The following NGDN variants were observed in gnomAD, a reference collection of about 807,000 sequenced individuals.
The protein encoded by NGDN is neuroguidin.
Under a neutral mutation model 45.2 loss-of-function variants are expected in NGDN, and 41 were observed. The observed-to-expected ratio is 0.91, with a 90% CI of 0.71 to 1.18. NGDN has a LOEUF of 1.18. Among genes scored for constraint, NGDN ranks in the 50% most tolerant of loss-of-function variants. The pLI, the probability that NGDN is intolerant of heterozygous loss-of-function variation, is 0.00. For synonymous variants in NGDN, 137 were observed against 130.9 expected, an observed-to-expected ratio of 1.05 and a Z score of -0.32; for missense variants, 402 against 399.9, an observed-to-expected ratio of 1.01 and a Z score of -0.05.
intron 4 of NGDN, 60 bp from the exon 5 acceptor site, chr14:23,475,498 C>T: frequency 6.5e-7 from 1 of 1,532,170 alleles, no homozygotes; most frequent in Non-Finnish European, 9.0e-7. Context: ...AATATAGGGA[C>T]TCTGGTGTGT....
intron 1 of NGDN, 115 bp downstream of exon 1, chr14:23,469,842 G>A: frequency 7.0e-7 from 1 of 1,422,998 alleles, no homozygotes; most frequent in Non-Finnish European, 9.8e-7. Context: ...GTTGCTTCAG[G>A]GAGGCGGCCT....
At chr14:23,474,543 CTA>C (rs1241583387) in intron 3 of NGDN, among the ~76,000 whole-genome samples, 2 of 146,222 alleles carry the variant, frequency 1.4e-5, no homozygotes, top group East Asian at 4.0e-4. Context: ...AGACATTTTT[CTA>C]TGTGTATAAA....
rs150519607 is a variant in NGDN, at chr14:23,469,727, G to C, written c.12G>C (p.Leu4=). 5 of 1,614,058 alleles carry C rather than the reference G, an allele frequency of 3.1e-6. No individual in the cohort carries two copies. The Admixed American group carries it at 8.3e-5, about 27-fold the overall frequency. ...TGGGCTTTGCGAAGATGGCGGCGCTGGTGAGTTTGGTGTGGTTTCTTCCTC... is the reference window on the plus strand; with the variant it reads ...TGGGCTTTGCGAAGATGGCGGCGCTCGTGAGTTTGGTGTGGTTTCTTCCTC... MAA[L]GVLESDLPSA... Residue 4 remains leucine, a splice_region_variant and synonymous_variant, in exon 1 of 11, where the codon CTG becomes CTC. Coordinates refer to ENST00000408901, the MANE Select transcript of NGDN (RefSeq NM_001042635.2).
intron 2 of NGDN, among the ~76,000 whole-genome samples, chr14:23,470,436 G>A (rs1242662014): frequency 6.6e-6 from 1 of 152,188 alleles, no homozygotes; most frequent in Non-Finnish European, 1.5e-5. Context: ...TGGAGGTTAT[G>A]GCCTGATAAA....
At chr14:23,470,704 T>G (rs1893755444) in intron 2 of NGDN, among the ~76,000 whole-genome samples, 1 of 138,886 alleles carries the variant, frequency 7.2e-6, no homozygotes, top group Admixed American at 7.6e-5. Flanking sequence ...GGTCTCTTCT[T>G]TAAGAAGTGG....
intron 2 of NGDN, 73 bp downstream of exon 2, chr14:23,470,174 T>G: frequency 7.5e-7 from 1 of 1,333,808 alleles, no homozygotes; most frequent in Non-Finnish European, 1.1e-6. Context: ...CTCAAAACTT[T>G]GGTGATTGAG....
Position 23,476,399 on chromosome 14 carries a change from C to T in NGDN, c.705C>T (p.Asp235=), listed in dbSNP as rs148611934. The change falls in exon 8 of 11, where the codon GAC becomes GAT. Residue 235 remains aspartate, a synonymous_variant. Coordinates refer to ENST00000408901, the MANE Select transcript of NGDN (RefSeq NM_001042635.2). ...ATGTTACCCGCCAGAGTCAGGAGGA[C>T]CAACACAGGTCTGAGCCCTTGCATT... ...HPHVTRQSQE[D]QHRINYEESM... 297 of 1,611,106 alleles carry T rather than the reference C, an allele frequency of 1.8e-4. No individual in the cohort carries two copies. Among genetic ancestry groups the T allele is most frequent in the Non-Finnish European group, 2.4e-4 (282 of 1,179,588 alleles).
In NGDN at chr14:23,475,166, C is replaced by T. The variant is rs753368438; in HGVS notation, c.145-5C>T. 1.9e-6 allele frequency: 3 copies of T among 1,609,840 alleles called. No homozygotes were observed. In the Admixed American group the frequency reaches 5.1e-5, roughly 27 times the overall value. On this transcript the variant is annotated splice_polypyrimidine_tract_variant and splice_region_variant and intron_variant, in intron 3 of 10. Transcript: ENST00000408901. ...CTGTTTTTCTTTCTGTTTTGTTCAA[C>T]TCAGGGTCTCAGCTTCTTGGAAGTG... is the stretch of plus-strand genomic sequence containing the variant.
At chr14:23,474,212 A>G (rs1251222932) in intron 3 of NGDN, among the ~76,000 whole-genome samples, 1 of 152,178 alleles carries the variant, frequency 6.6e-6, no homozygotes, top group Non-Finnish European at 1.5e-5. Flanking sequence ...GCTTAAAGAC[A>G]TCCAGGGATG....
chr14:23,474,088 C>G (rs1402112241), intron 3 of NGDN, among the ~76,000 whole-genome samples: 1 of 150,008 alleles, frequency 6.7e-6, no homozygotes, highest in East Asian at 2.0e-4. Flanking sequence ...GTGACTTACT[C>G]AATATTTGAC....
At chr14:23,477,886 T>C in intron 10 of NGDN, 121 bp from the exon 11 acceptor site, 4 of 1,579,680 alleles carry the variant, frequency 2.5e-6, no homozygotes, top group Non-Finnish European at 3.4e-6. Flanking sequence ...TGGGAAGATA[T>C]TCAGGGTACT....
In NGDN at chr14:23,475,245, C is replaced by T. The variant is rs951675655; in HGVS notation, c.219C>T (p.Asp73=). Residue 73 remains aspartate (D), a synonymous_variant, in exon 4 of 11, where the codon GAC becomes GAT. Coordinates refer to ENST00000408901, the MANE Select transcript of NGDN (RefSeq NM_001042635.2). Reference sequence around the variant, plus strand: ...TGGATTTGACCCACCTCATTCTGGACAAAGCCTCAGGAGGATCTCTTCAGG... The same window carrying T: ...TGGATTTGACCCACCTCATTCTGGATAAAGCCTCAGGAGGATCTCTTCAGG... ...YLMDLTHLIL[D]KASGGSLQGH... The T allele has an allele frequency of 1.2e-6, 2 of 1,614,064 alleles. No individual in the cohort carries two copies. The highest frequency in any genetic ancestry group is 3.3e-5 in the Admixed American group (2 of 60,022).
In NGDN at chr14:23,475,711, G is replaced by T; in HGVS notation, c.368-15G>T. The T allele has an allele frequency of 6.2e-7, 1 of 1,613,994 alleles. No homozygotes were observed. Among genetic ancestry groups the T allele is most frequent in the Non-Finnish European group, 8.5e-7 (1 of 1,179,974 alleles). ...GTTCCAAATTTTGTAAAATTCATTG[G>T]GTTATTTATTTCAGGTGAGAATGAC... On this transcript the variant is annotated splice_polypyrimidine_tract_variant and intron_variant, in intron 5 of 10. Coordinates refer to ENST00000408901, the MANE Select transcript of NGDN (RefSeq NM_001042635.2).
chr14:23,477,669 C>T (rs1893935832), intron 10 of NGDN, 109 bp downstream of exon 10: 18 of 1,549,880 alleles, frequency 1.2e-5, no homozygotes, highest in Non-Finnish European at 1.6e-5. Context: ...GTATCTCTTC[C>T]ATACTGGGCA....
Position 23,475,301 on chromosome 14 carries a change from T to G in NGDN, c.275T>G (p.Ile92Ser), listed in dbSNP as rs368059261. The G allele has an allele frequency of 8.2e-5, 132 of 1,611,684 alleles. No homozygotes were observed. Among genetic ancestry groups the G allele is most frequent in the Non-Finnish European group, 1.1e-4 (130 of 1,179,286 alleles). ...GATGCAGTTTTGAGACTGGTGGAGA[T>G]TCGCACGGTATGAAGCATTTGGCTT... Reference protein sequence around the residue: ...GHDAVLRLVEIRTVLEKLRPL... With the variant: ...GHDAVLRLVESRTVLEKLRPL... The change falls in exon 4 of 11, where the codon ATT becomes AGT. Residue 92 changes from isoleucine to serine, a missense_variant. Transcript: ENST00000408901.
intron 7 of NGDN, 28 bp from the exon 8 acceptor site, chr14:23,476,211 G>A (rs751350905): frequency 6.2e-7 from 1 of 1,613,702 alleles, no homozygotes; most frequent in Non-Finnish European, 8.5e-7. Context: ...TCTGTTCTTG[G>A]ATAACCCTGC....
intron 10 of NGDN, 53 bp downstream of exon 10, chr14:23,477,613 T>C (rs1893934313): frequency 6.2e-7 from 1 of 1,608,692 alleles, no homozygotes; most frequent in African/African-American, 1.3e-5. Flanking sequence ...GGAGTACAAA[T>C]TGAGTCTCTT....
Position 23,475,305 on chromosome 14 carries a change from C to A in NGDN, c.279C>A (p.Arg93=), listed in dbSNP as rs2236261. Residue 93 remains arginine, a synonymous_variant, in exon 4 of 11, where the codon CGC becomes CGA. Transcript: ENST00000408901. ...HDAVLRLVEI[R]TVLEKLRPLD... ...CAGTTTTGAGACTGGTGGAGATTCG[C>A]ACGGTATGAAGCATTTGGCTTCTTG... is the stretch of plus-strand genomic sequence containing the variant. 0.8 allele frequency: 1,287,854 copies of A among 1,609,222 alleles called. 519,370 individuals carry two copies. Among genetic ancestry groups the A allele is most frequent in the Non-Finnish European group, 0.83 (977,294 of 1,177,190 alleles).
Position 23,477,279 on chromosome 14 carries a change from A to T in NGDN, c.793A>T (p.Met265Leu). The T allele has an allele frequency of 4.3e-6, 7 of 1,614,216 alleles. No individual in the cohort carries two copies. Among genetic ancestry groups the T allele is most frequent in the Non-Finnish European group, 5.9e-6 (7 of 1,180,004 alleles). ...EKGRRKRANV[M>L]SSQLHSLTHF... ...AGGACGGCGAAAACGAGCAAATGTC[A>T]TGAGCTCACAACTTCATTCCCTTAC... Residue 265 changes from methionine to leucine, a missense_variant, in exon 9 of 11, where the codon ATG (methionine) becomes TTG (leucine). By Grantham distance (15) the Met-to-Leu change is conservative (BLOSUM62 2). Transcript: ENST00000408901.
Sources: gnomAD v4.1 joint callset for allele counts (sites outside exome capture counted in the v4.1 genomes callset) on GRCh38, gnomAD v4.1.1 for gene constraint, MANE v1.5 for transcripts, NCBI Gene and HGNC (gene_info 2026-07-23, HGNC 2026-07-21) for gene names.